NEK10: variants seen among roughly 807,000 people sequenced by gnomAD.
The protein encoded by NEK10 is serine/threonine-protein kinase Nek10.
A neutral mutation model predicts 159.8 loss-of-function variants in NEK10; 122 were observed. That is an observed-to-expected ratio of 0.76 (90% confidence interval 0.66 to 0.89). NEK10 has a LOEUF of 0.89. Among genes scored for constraint, NEK10 ranks in the 40% least tolerant of loss-of-function variants. The probability of loss-of-function intolerance (pLI) is 0.00; values close to 1 mark genes in which losing one functional copy is unlikely to be tolerated. For missense variants in NEK10, 1,342 were observed against 1,323.1 expected (o/e 1.01, Z -0.22); for synonymous variants, 466 against 457.1 (o/e 1.02, Z -0.25).
chr3:27,137,489 C>T (rs184125391), intron 31 of NEK10, among the ~76,000 whole-genome samples: 54 of 152,186 alleles, frequency 3.5e-4, no homozygotes, highest in Non-Finnish European at 6.0e-4. Flanking sequence ...AAGCTATTTC[C>T]GTAACACTAA....
At chr3:27,260,362 T>C (rs1237923455) in intron 22 of NEK10, among the ~76,000 whole-genome samples, 2 of 152,208 alleles carry the variant, frequency 1.3e-5, no homozygotes, top group South Asian at 4.1e-4. Context: ...GGGTTTGTCA[T>C]AGATAGCTCT....
intron 23 of NEK10, among the ~76,000 whole-genome samples, chr3:27,208,005 A>T (rs1487326902): frequency 6.6e-6 from 1 of 151,972 alleles, no homozygotes; most frequent in East Asian, 1.9e-4. Context: ...GATGAATAAA[A>T]TGTGTGTGTG....
At chr3:27,204,295 G>GT (rs1950306350) in intron 23 of NEK10, among the ~76,000 whole-genome samples, 3 of 73,974 alleles carry the variant, frequency 4.1e-5, no homozygotes, top group Non-Finnish European at 7.3e-5. Context: ...TTTTTTTTTT[G>GT]TTGTTGTTTT....
chr3:27,247,808 T>C (rs1244120215), intron 23 of NEK10, among the ~76,000 whole-genome samples: 2 of 141,502 alleles, frequency 1.4e-5, no homozygotes, highest in African/African-American at 2.6e-5. Flanking sequence ...TAATTTTCTT[T>C]TCTTTTCTTT....
chr3:27,352,716 T>C, intron 2 of NEK10, 96 bp downstream of exon 2: 1 of 886,790 alleles, frequency 1.1e-6, no homozygotes, highest in Non-Finnish European at 1.9e-6. Flanking sequence ...TGAATAGTAG[T>C]TGTCAAGAGT....
intron 26 of NEK10, among the ~76,000 whole-genome samples, chr3:27,180,168 G>A (rs73036952): frequency 3.9e-4 from 59 of 152,206 alleles, no homozygotes; most frequent in Non-Finnish European, 6.9e-4. Context: ...GCCAAAAGTG[G>A]ACCGATCATT....
intron 29 of NEK10, 116 bp from the exon 30 acceptor site, chr3:27,162,854 C>G: frequency 1.4e-6 from 2 of 1,381,926 alleles, no homozygotes; most frequent in East Asian, 2.4e-5. Flanking sequence ...TATTTTCCCT[C>G]AAGATGCTCT....
chr3:27,180,120 C>T (rs1177842387), intron 26 of NEK10, among the ~76,000 whole-genome samples: 1 of 151,804 alleles, frequency 6.6e-6, no homozygotes, highest in African/African-American at 2.4e-5. Context: ...ATGGGCCAGG[C>T]ATGGTGGCTC....
In NEK10 at chr3:27,317,826, A is replaced by G. The variant is rs137964918; in HGVS notation, c.448-3488T>C. On this transcript the variant is annotated intron_variant, in intron 6 of 35. Transcript: ENST00000691995. ...ATTATTTATTTATTTATTTTGAGAC[A>G]GAGTCTCCCTCTGTTGCCCAGGCTG... Among the ~76,000 whole-genome samples the G allele has an allele frequency of 6.6e-3, 1,008 of 152,140 alleles. 10 individuals carry two copies. The highest frequency in any genetic ancestry group is 0.017 in the African/African-American group (718 of 41,514).
intron 23 of NEK10, among the ~76,000 whole-genome samples, chr3:27,233,058 C>A (rs774943468): frequency 2.6e-5 from 4 of 151,908 alleles, no homozygotes; most frequent in African/African-American, 7.2e-5. Context: ...AAACTAAAAA[C>A]CTTCTGCACA....
At chr3:27,213,388 G>T (rs951783645) in intron 23 of NEK10, among the ~76,000 whole-genome samples, 2 of 152,092 alleles carry the variant, frequency 1.3e-5, no homozygotes, top group African/African-American at 2.4e-5. Flanking sequence ...ACAACAAGCC[G>T]TTTTCCTTGG....
In NEK10 at chr3:27,258,569, T is replaced by G. The variant is rs571209732; in HGVS notation, c.2015-2198A>C. ...GAATTCATCATTTTTTATGGCTGCA[T>G]AGTATTCCATGGTGTATATGTGCCA... On this transcript the variant is annotated intron_variant, in intron 22 of 35. Coordinates refer to ENST00000691995, the MANE Select transcript of NEK10 (RefSeq NM_001394966.1). 3.9e-5 allele frequency among the ~76,000 whole-genome samples: 6 copies of G among 152,328 alleles called. No homozygotes were observed. The South Asian group carries it at 1.2e-3, about 32-fold the overall frequency.
chr3:27,196,959 G>A (rs1291101252), intron 25 of NEK10, among the ~76,000 whole-genome samples: 1 of 152,022 alleles, frequency 6.6e-6, no homozygotes, highest in Non-Finnish European at 1.5e-5. Context: ...TTAAAGACAG[G>A]TTCGTCTCAT....
At chr3:27,214,530 G>T (rs1293371622) in intron 23 of NEK10, among the ~76,000 whole-genome samples, 1 of 150,926 alleles carries the variant, frequency 6.6e-6, no homozygotes, top group Non-Finnish European at 1.5e-5. Context: ...ATGCAATGCA[G>T]GCAGCTTTTA....
At chr3:27,111,548 T>C (rs541480299) in intron 35 of NEK10, among the ~76,000 whole-genome samples, 40 of 152,276 alleles carry the variant, frequency 2.6e-4, no homozygotes, top group African/African-American at 8.9e-4. Context: ...TGATAACACT[T>C]TGTAGTAGAA....
intron 23 of NEK10, among the ~76,000 whole-genome samples, chr3:27,242,656 G>A (rs1007814993): frequency 6.6e-6 from 1 of 152,134 alleles, no homozygotes; most frequent in Non-Finnish European, 1.5e-5. Context: ...TCTCACTGCT[G>A]AAGTTCTGAG....
chr3:27,335,039 T>TA (rs1160559680), intron 5 of NEK10, among the ~76,000 whole-genome samples: 1 of 151,820 alleles, frequency 6.6e-6, no homozygotes, highest in African/African-American at 2.4e-5. Context: ...ATAGATATCT[T>TA]AAAAAAAGAA....
intron 30 of NEK10, among the ~76,000 whole-genome samples, chr3:27,158,429 G>A (rs998588135): frequency 3.3e-5 from 5 of 152,056 alleles, no homozygotes; most frequent in Non-Finnish European, 7.4e-5. Flanking sequence ...AAAGTTGTTC[G>A]TATAAGGACA....
At chr3:27,304,240 G>A (rs1233711537) in intron 12 of NEK10, among the ~76,000 whole-genome samples, 1 of 152,120 alleles carries the variant, frequency 6.6e-6, no homozygotes, top group Non-Finnish European at 1.5e-5. Flanking sequence ...GCAACCACTT[G>A]ATTAATGATA....
Sources: gnomAD v4.1 joint callset for allele counts (sites outside exome capture counted in the v4.1 genomes callset) on GRCh38, gnomAD v4.1.1 for gene constraint, MANE v1.5 for transcripts, NCBI Gene and HGNC (gene_info 2026-07-23, HGNC 2026-07-21) for gene names.